The following CA10 variants were observed in gnomAD, a reference collection of about 807,000 sequenced individuals.
The protein encoded by CA10 is carbonic anhydrase 10 (inactive).
Under a neutral mutation model 44.2 loss-of-function variants are expected in CA10, and 14 were observed. That is an observed-to-expected ratio of 0.32 (90% CI 0.21 to 0.50). CA10 has a LOEUF of 0.50. Among genes scored for constraint, CA10 ranks in the 20% least tolerant of loss-of-function variants. The probability of loss-of-function intolerance (pLI) is 0.99; values close to 1 mark genes in which losing one functional copy is unlikely to be tolerated. For synonymous variants in CA10, 159 were observed against 141.6 expected (o/e 1.12, Z -0.87); for missense variants, 350 against 409.7 (o/e 0.85, Z 1.26).
intron 2 of CA10, among the ~76,000 whole-genome samples, chr17:52,066,154 T>C (rs1987530083): frequency 6.6e-6 from 1 of 152,138 alleles, no homozygotes; most frequent in African/African-American, 2.4e-5. Flanking sequence ...ATAGAGTAAA[T>C]TGGTATCACA....
intron 6 of CA10, among the ~76,000 whole-genome samples, chr17:51,637,577 T>C (rs776251877): frequency 6.6e-6 from 1 of 152,220 alleles, no homozygotes; most frequent in South Asian, 2.1e-4. Flanking sequence ...AAAGTACTCA[T>C]TCTTCAGGGG....
intron 2 of CA10, among the ~76,000 whole-genome samples, chr17:52,055,350 A>G (rs1987198257): frequency 6.6e-6 from 1 of 151,528 alleles, no homozygotes; most frequent in South Asian, 2.1e-4. Context: ...TCTGGTGAAA[A>G]AAAAAAAAAA....
At chr17:52,159,869 A>G (rs748171566), upstream of CA10, 1 of 152,194 alleles carries the variant, frequency 6.6e-6, no homozygotes, top group Admixed American at 6.5e-5. Context: ...CAAAATCTCA[A>G]CAGATTTGTC....
At chr17:51,733,055 A>C (rs1028351005) in intron 4 of CA10, among the ~76,000 whole-genome samples, 1 of 152,092 alleles carries the variant, frequency 6.6e-6, no homozygotes, top group African/African-American at 2.4e-5. Flanking sequence ...ACCCCATTTG[A>C]GTGCGTTTCT....
chr17:51,763,152 T>C (rs1225662927), intron 3 of CA10: 1 of 152,214 alleles, frequency 6.6e-6, no homozygotes, highest in Admixed American at 6.5e-5. Flanking sequence ...ATTGCAATAA[T>C]CAATATCTCA....
chr17:51,816,698 G>C (rs1907574928), intron 3 of CA10, among the ~76,000 whole-genome samples: 1 of 152,096 alleles, frequency 6.6e-6, no homozygotes. Flanking sequence ...GCAGTTATTG[G>C]AGCAGCTGAA....
intron 3 of CA10, among the ~76,000 whole-genome samples, chr17:51,904,008 A>G (rs767431276): frequency 2.6e-5 from 4 of 151,764 alleles, no homozygotes; most frequent in Admixed American, 6.6e-5. Flanking sequence ...GTGTGCATGT[A>G]TGTGGGACTA....
intron 3 of CA10, among the ~76,000 whole-genome samples, chr17:51,895,184 G>A (rs1370603469): frequency 1.3e-5 from 2 of 152,032 alleles, no homozygotes; most frequent in Admixed American, 6.6e-5. Context: ...CTGAGGTTAT[G>A]CAGTTCTACA....
At chr17:52,077,378 A>G (rs1464177543) in intron 1 of CA10, among the ~76,000 whole-genome samples, 3 of 152,136 alleles carry the variant, frequency 2.0e-5, no homozygotes, top group Admixed American at 6.5e-5. Context: ...AATTTTTTCC[A>G]TAAAGGGCGA....
chr17:51,760,993 C>A (rs1905201676), intron 3 of CA10, among the ~76,000 whole-genome samples: 1 of 152,036 alleles, frequency 6.6e-6, no homozygotes, highest in Admixed American at 6.6e-5. Context: ...TCGAACTCAC[C>A]ACATTTCAAT....
chr17:52,036,204 G>T (rs1403297412), intron 2 of CA10, among the ~76,000 whole-genome samples: 1 of 152,166 alleles, frequency 6.6e-6, no homozygotes, highest in African/African-American at 2.4e-5. Context: ...AGGCCAAACT[G>T]GATCAATGAA....
At position 52,115,767 on chromosome 17, in the gene CA10, G is replaced by T. The variant is rs761900833; in HGVS notation, c.61+41959C>A. Among the ~76,000 whole-genome samples, 63 of 152,160 alleles carry T rather than the reference G, an allele frequency of 4.1e-4. 1 individual carries two copies. The highest frequency in any genetic ancestry group is 4.9e-4 in the Non-Finnish European group (33 of 68,026). Reference sequence around the variant, plus strand: ...GCACCGGGAGTCTTCCCCTCTCCTGGCCAAGGGGTCCACCTCAGTCCAACA... The same window carrying T: ...GCACCGGGAGTCTTCCCCTCTCCTGTCCAAGGGGTCCACCTCAGTCCAACA... On this transcript the variant is annotated intron_variant, in intron 1 of 8. Transcript: ENST00000451037.
At chr17:52,153,997 T>A (rs1989754650) in intron 1 of CA10, among the ~76,000 whole-genome samples, 1 of 152,168 alleles carries the variant, frequency 6.6e-6, no homozygotes, top group East Asian at 1.9e-4. Context: ...AGATTGCTGA[T>A]CCTAAGATGC....
At chr17:51,839,337 A>G (rs1020507618) in intron 3 of CA10, among the ~76,000 whole-genome samples, 7 of 151,732 alleles carry the variant, frequency 4.6e-5, no homozygotes, top group African/African-American at 1.7e-4. Context: ...CTTAAAATAC[A>G]AAAAAATTAG....
rs1045255488 is a variant in CA10, at chr17:51,630,322, A to G, written c.*1262T>C. 6.6e-6 allele frequency: 1 copy of G among 152,628 alleles called. No homozygotes were observed. Among genetic ancestry groups the G allele is most frequent in the African/African-American group, 2.4e-5 (1 of 41,448 alleles). The allele number at this position is 152,628 out of a possible 1,614,324, so 9.5% of individuals were successfully genotyped here. A position where few individuals can be genotyped will look rare whatever the true frequency, so the allele number is the denominator to read the frequency against. On this transcript the variant is annotated 3_prime_UTR_variant, in exon 9 of 9. Coordinates refer to ENST00000451037, the MANE Select transcript of CA10 (RefSeq NM_020178.5). ...TAAAGTCAGACATGGGTACTGGGTA[A>G]CTTGTTAAACACATTTATTGATTTC... is the stretch of plus-strand genomic sequence containing the variant.
At chr17:52,004,141 G>A (rs891463314) in intron 2 of CA10, among the ~76,000 whole-genome samples, 1 of 151,958 alleles carries the variant, frequency 6.6e-6, no homozygotes, top group African/African-American at 2.4e-5. Flanking sequence ...CATCTTTACA[G>A]ATCATAAAAA....
intron 2 of CA10, among the ~76,000 whole-genome samples, chr17:52,002,295 G>A (rs1985453178): frequency 6.6e-6 from 1 of 151,948 alleles, no homozygotes; most frequent in South Asian, 2.1e-4. Context: ...GAGGTAAGGT[G>A]TGTGAGAAAG....
chr17:52,072,678 T>TACAC (rs58984767), intron 1 of CA10, among the ~76,000 whole-genome samples: 36,013 of 139,986 alleles, frequency 0.26, 5,047 homozygotes, highest in East Asian at 0.55. Flanking sequence ...ATCTTCCCCA[T>TACAC]ACACACACAC....
chr17:51,851,780 T>C (rs187901469), intron 3 of CA10, among the ~76,000 whole-genome samples: 1 of 152,328 alleles, frequency 6.6e-6, no homozygotes, highest in East Asian at 1.9e-4. Context: ...CCCTAGTCTC[T>C]TTGGCCATGT....
Sources: allele counts gnomAD v4.1 joint callset (sites outside exome capture counted in the v4.1 genomes callset), GRCh38; gene constraint gnomAD v4.1.1; transcripts MANE v1.5; gene names NCBI Gene and HGNC (gene_info 2026-07-23, HGNC 2026-07-21).